POLR1C: variants seen among roughly 807,000 people sequenced by gnomAD.
The protein encoded by POLR1C is RNA polymerase I and III subunit C, also known as DNA-directed RNA polymerases I and III subunit RPAC1.
POLR1C carries 42 observed loss-of-function variants against 38.3 expected under a neutral mutation model. That is an observed-to-expected ratio of 1.10 (90% CI 0.86 to 1.42). The LOEUF (loss-of-function observed/expected upper bound fraction) is 1.42, where lower values mean the gene tolerates loss of function less well. Among genes scored for constraint, POLR1C ranks in the 40% most tolerant of loss-of-function variants. The pLI, the probability that POLR1C is intolerant of heterozygous loss-of-function variation, is 0.00. For missense variants in POLR1C, 507 were observed against 450.5 expected (o/e 1.13, Z -1.14); for synonymous variants, 163 against 163.9 (o/e 0.99, Z 0.04).
At chr6:43,533,893 G>T, downstream of POLR1C, 17 of 1,576,868 alleles carry the variant, frequency 1.1e-5, no homozygotes, top group Non-Finnish European at 1.5e-5. Context: ...GAGAAAAAAG[G>T]TTACATTTCT....
At chr6:43,530,491 A>G (rs746283036), downstream of POLR1C, among the ~76,000 whole-genome samples, 9 of 152,200 alleles carry the variant, frequency 5.9e-5, no homozygotes, top group Non-Finnish European at 5.9e-5. Context: ...CCCCTAAGGA[A>G]AAGTTTATGG....
chr6:43,555,480 A>G (rs907289035), intron 10 of POLR1C: 4 of 176,158 alleles, frequency 2.3e-5, no homozygotes, highest in Non-Finnish European at 4.9e-5. Context: ...GTGCTATGCA[A>G]GACTTTGGCT....
At chr6:43,547,524 C>T (rs1795017246) in intron 9 of POLR1C, 1 of 1,321,528 alleles carries the variant, frequency 7.6e-7, no homozygotes, top group Non-Finnish European at 1.1e-6. Context: ...ATAGAAAAAA[C>T]AAATCTATGA....
At chr6:43,517,285 A>G in intron 1 of POLR1C, 21 bp from the exon 2 acceptor site, 1 of 1,613,238 alleles carries the variant, frequency 6.2e-7, no homozygotes, top group Non-Finnish European at 8.5e-7. Flanking sequence ...CTTCGTGGAC[A>G]AATTCGTCCC....
downstream of POLR1C, chr6:43,526,002 C>G: frequency 6.6e-7 from 1 of 1,513,192 alleles, no homozygotes. Context: ...GCGCAAAAAA[C>G]AAAGCAAAGC....
intron 9 of POLR1C, among the ~76,000 whole-genome samples, chr6:43,545,816 C>A (rs1250658142): frequency 1.3e-5 from 2 of 152,122 alleles, no homozygotes; most frequent in African/African-American, 2.4e-5. Flanking sequence ...TAGAGACCAT[C>A]CCTGAGTCAT....
chr6:43,525,686 T>C (rs1793540100), downstream of POLR1C: 4 of 767,126 alleles, frequency 5.2e-6, no homozygotes, highest in Non-Finnish European at 8.2e-6. Context: ...TTGCACCTTT[T>C]CCCTCGGTTT....
At chr6:43,547,236 C>T in intron 9 of POLR1C, 1 of 372,042 alleles carries the variant, frequency 2.7e-6, no homozygotes, top group South Asian at 2.2e-5. Context: ...AATAGCAAAG[C>T]ACTGAAAAAT....
chr6:43,546,565 A>C lies in POLR1C; in HGVS notation c.*5-4403A>C, dbSNP rs1332706143. 9 of 1,599,636 alleles carry C rather than the reference A, an allele frequency of 5.6e-6. No individual in the cohort carries two copies. The highest frequency in any genetic ancestry group is 7.7e-6 in the Non-Finnish European group (9 of 1,175,606). On this transcript the variant is annotated intron_variant, in intron 9 of 10. Coordinates refer to the POLR1C transcript ENST00000607635. Reference sequence around the variant, plus strand: ...ACAACAGAGAAAAGCCATTATTCTGACTCACCTTATAAGCGCAAGCAAATT... The same window carrying C: ...ACAACAGAGAAAAGCCATTATTCTGCCTCACCTTATAAGCGCAAGCAAATT...
Position 43,521,490 on chromosome 6 carries a change from A to G in POLR1C, c.*190A>G, listed in dbSNP as rs1178282378. 1 of 1,381,226 alleles carries G rather than the reference A, an allele frequency of 7.2e-7. No individual in the cohort carries two copies. Among genetic ancestry groups the G allele is most frequent in the Non-Finnish European group, 9.4e-7 (1 of 1,065,774 alleles). 85.6% of individuals were successfully genotyped at this position (1,381,226 alleles called of 1,614,324 possible). A position where few individuals can be genotyped will look rare whatever the true frequency, so the allele number is the denominator to read the frequency against. On this transcript the variant is annotated 3_prime_UTR_variant, in exon 9 of 9. Transcript: ENST00000642195. Reference sequence around the variant, plus strand: ...ACGCCTTTATAAGGCCTTAGATGTAAATAAACTCACCCAAACAAAAAAACT... The same window carrying G: ...ACGCCTTTATAAGGCCTTAGATGTAGATAAACTCACCCAAACAAAAAAACT...
chr6:43,541,939 C>A (rs1005753544), intron 9 of POLR1C, among the ~76,000 whole-genome samples: 3 of 152,112 alleles, frequency 2.0e-5, no homozygotes, highest in Non-Finnish European at 2.9e-5. Context: ...ACCACCACGC[C>A]TGGCTAATTT....
intron 9 of POLR1C, among the ~76,000 whole-genome samples, chr6:43,535,620 G>A (rs1030192803): frequency 2.0e-5 from 3 of 149,848 alleles, no homozygotes; most frequent in Non-Finnish European, 4.4e-5. Context: ...ACCATCCTGG[G>A]TAACATGGTG....
At chr6:43,534,890 T>C (rs1794220565) in intron 9 of POLR1C, among the ~76,000 whole-genome samples, 1 of 151,930 alleles carries the variant, frequency 6.6e-6, no homozygotes, top group Non-Finnish European at 1.5e-5. Context: ...CCCAGTTACT[T>C]GGGAGGCTAA....
intron 8 of POLR1C, among the ~76,000 whole-genome samples, chr6:43,528,367 T>C (rs922382742): frequency 1.3e-5 from 2 of 152,098 alleles, no homozygotes; most frequent in African/African-American, 4.8e-5. Context: ...AAAAAACATC[T>C]ATGGTTTCTG....
At chr6:43,537,533 A>G (rs560134996) in intron 9 of POLR1C, among the ~76,000 whole-genome samples, 1 of 152,372 alleles carries the variant, frequency 6.6e-6, no homozygotes, top group East Asian at 1.9e-4. Flanking sequence ...CATAAACAGT[A>G]GGTAAATGAA....
chr6:43,526,700 G>C (rs926578929), intron 8 of POLR1C: 1 of 1,613,922 alleles, frequency 6.2e-7, no homozygotes. Flanking sequence ...CCATCTGCTG[G>C]GGGAGCACTA....
At chr6:43,520,600 A>G (rs1352201863) in intron 6 of POLR1C, 25 bp from the exon 7 acceptor site, 1 of 1,614,006 alleles carries the variant, frequency 6.2e-7, no homozygotes, top group Admixed American at 1.7e-5. Flanking sequence ...GGTTTCCTAT[A>G]GGCACGTTCC....
chr6:43,519,203 A>G (rs1582180395), intron 2 of POLR1C, 130 bp from the exon 3 acceptor site: 2 of 708,422 alleles, frequency 2.8e-6, no homozygotes, highest in East Asian at 2.7e-5. Flanking sequence ...ATATTTAATA[A>G]GAGACATTTG....
chr6:43,539,338 G>A (rs545544520), intron 9 of POLR1C: 12 of 1,578,412 alleles, frequency 7.6e-6, no homozygotes, highest in Non-Finnish European at 1.0e-5. Context: ...CCTTGAACCT[G>A]GTGCGCTGGC....
Sources: allele counts gnomAD v4.1 joint callset (sites outside exome capture counted in the v4.1 genomes callset), GRCh38; gene constraint gnomAD v4.1.1; transcripts MANE v1.5; gene names NCBI Gene and HGNC (gene_info 2026-07-23, HGNC 2026-07-21).